Variants in PCDHGB5 observed in about 807,000 individuals in gnomAD.
The protein encoded by PCDHGB5 is protocadherin gamma-B5.
In PCDHGB5, 48 loss-of-function variants were observed where a neutral mutation model predicts 62.9. The observed-to-expected ratio is 0.76, with a 90% confidence interval of 0.61 to 0.97. The LOEUF (loss-of-function observed/expected upper bound fraction) is 0.97, where lower values mean the gene tolerates loss of function less well. Ranked by LOEUF, PCDHGB5 falls within the 50% of genes least tolerant of loss-of-function variation. PCDHGB5 has a pLI of 0.00. For synonymous variants in PCDHGB5, 474 were observed against 511.2 expected (o/e 0.93, Z 0.98); for missense variants, 1,118 against 1,198.6 (o/e 0.93, Z 0.99).
At chr5:141,419,747 C>T (rs1322393151) in intron 1 of PCDHGB5, 3 of 1,613,840 alleles carry the variant, frequency 1.9e-6, no homozygotes, top group Admixed American at 1.7e-5. Context: ...GCGCATGGTG[C>T]GTGCTTTGGG....
chr5:141,480,453 A>G (rs1033797238), intron 1 of PCDHGB5, among the ~76,000 whole-genome samples: 1 of 152,182 alleles, frequency 6.6e-6, no homozygotes, highest in African/African-American at 2.4e-5. Context: ...AATTATTTTT[A>G]TTAGTTCCTC....
At chr5:141,409,324 G>C (rs759596277) in intron 1 of PCDHGB5, 1 of 1,614,000 alleles carries the variant, frequency 6.2e-7, no homozygotes, top group East Asian at 2.2e-5. Context: ...CACGGGATCT[G>C]GATTTCGGAG....
Position 141,511,212 on chromosome 5 carries a change from C to T in PCDHGB5, c.*39C>T. ...CCAAGAGCCACAGGGCGGCCTCTCC[C>T]CAACCAGCCCAGCTTCTCCTTACCT... is the stretch of plus-strand genomic sequence containing the variant. On this transcript the variant is annotated 3_prime_UTR_variant, in exon 4 of 4. Coordinates refer to ENST00000617380, the MANE Select transcript of PCDHGB5 (RefSeq NM_018925.3). 6.2e-7 allele frequency: 1 copy of T among 1,608,656 alleles called. No individual in the cohort carries two copies. Among genetic ancestry groups the T allele is most frequent in the Non-Finnish European group, 8.5e-7 (1 of 1,177,502 alleles).
At chr5:141,454,871 G>A (rs1337911223) in intron 1 of PCDHGB5, among the ~76,000 whole-genome samples, 2 of 129,030 alleles carry the variant, frequency 1.6e-5, no homozygotes, top group Non-Finnish European at 3.1e-5. Context: ...GCAGTGGCAC[G>A]ATCTTGGCTC....
At chr5:141,414,834 C>T in intron 1 of PCDHGB5, 1 of 1,614,252 alleles carries the variant, frequency 6.2e-7, no homozygotes, top group South Asian at 1.1e-5. Context: ...TGTCGTTGAG[C>T]CTGTTTGTGC....
Position 141,477,554 on chromosome 5 carries a change from A to T in PCDHGB5, c.2398-17253A>T. The T allele has an allele frequency of 6.2e-7, 1 of 1,614,112 alleles. No homozygotes were observed. Among genetic ancestry groups the T allele is most frequent in the South Asian group, 1.1e-5 (1 of 91,086 alleles). Reference sequence around the variant, plus strand: ...CCCCGGGGCTCCAATACTAAACCTAAGTGTCTGGGACCCCGACGCCCCGCA... The same window carrying T: ...CCCCGGGGCTCCAATACTAAACCTATGTGTCTGGGACCCCGACGCCCCGCA... On this transcript the variant is annotated intron_variant, in intron 1 of 3. Transcript: ENST00000617380. This position sits in a 1 kb window ranked among gnomAD's most constrained non-coding sequence, Gnocchi z 4.9.
rs1453419469 is a variant in PCDHGB5, at chr5:141,505,501, G to A, written c.2545+20G>A. On this transcript the variant is annotated intron_variant, in intron 3 of 3. Transcript: ENST00000617380. ...CCAGTGGTAAGTGGTGTCAGTGTGT[G>A]TATGGAAGAGTGGGAGACCTGGGGT... The A allele has an allele frequency of 1.2e-6, 2 of 1,614,156 alleles. No homozygotes were observed. Among genetic ancestry groups the A allele is most frequent in the Non-Finnish European group, 1.7e-6 (2 of 1,179,970 alleles).
rs938964469 is a variant in PCDHGB5 at position 141,485,439 on chromosome 5, C to T, written c.2398-9368C>T. On this transcript the variant is annotated intron_variant, in intron 1 of 3. Transcript: ENST00000617380. This position sits in a 1 kb window ranked among gnomAD's most constrained non-coding sequence, Gnocchi z 5.7. The stretch of plus-strand genomic sequence containing the variant: ...AGCGGAGCCCTGCTCATCAAGAACC[C>T]AATCGACCGAGAGGCACTGTGTGGG... The T allele has an allele frequency of 1.1e-5, 18 of 1,614,182 alleles. No homozygotes were observed. Among genetic ancestry groups the T allele is most frequent in the Non-Finnish European group, 1.5e-5 (18 of 1,180,036 alleles).
At chr5:141,497,665 G>A (rs1011161465) in intron 2 of PCDHGB5, among the ~76,000 whole-genome samples, 3 of 151,348 alleles carry the variant, frequency 2.0e-5, no homozygotes, top group South Asian at 2.1e-4. Flanking sequence ...TCAGCCTCCC[G>A]AGTAGCTGGG....
intron 1 of PCDHGB5, among the ~76,000 whole-genome samples, chr5:141,456,006 T>C (rs909931677): frequency 6.6e-6 from 1 of 151,852 alleles, no homozygotes; most frequent in Non-Finnish European, 1.5e-5. Flanking sequence ...CATGCCATTC[T>C]CCTGCCTCAG....
chr5:141,423,806 T>C (rs2096783171), intron 1 of PCDHGB5: 1 of 1,251,576 alleles, frequency 8.0e-7, no homozygotes, highest in Non-Finnish European at 1.0e-6. Flanking sequence ...GCAATACATG[T>C]GAGTTTTACT....
At position 141,477,284 on chromosome 5, in the gene PCDHGB5, G is replaced by A. The variant is rs751714522; in HGVS notation, c.2398-17523G>A. 5.0e-6 allele frequency: 8 copies of A among 1,614,150 alleles called. No homozygotes were observed. The South Asian group carries it at 6.6e-5, about 13-fold the overall frequency. ...TGGCGAGAACGGGCTGGTGACCTGC[G>A]AAGTTCCACCGGGTCTCCCTTTCAG... On this transcript the variant is annotated intron_variant, in intron 1 of 3. Transcript: ENST00000617380. This position sits in a 1 kb window ranked among gnomAD's most constrained non-coding sequence, Gnocchi z 4.9.
Position 141,407,403 on chromosome 5 carries a change from A to G in PCDHGB5, c.2397+6879A>G, listed in dbSNP as rs964260933. 2.0e-5 allele frequency among the ~76,000 whole-genome samples: 3 copies of G among 152,220 alleles called. No individual in the cohort carries two copies. In the East Asian group the frequency reaches 5.8e-4, roughly 29 times the overall value. Reference sequence around the variant, plus strand: ...TTGTATGTCATGGTAGGTAGTTACTATTCGATACCACAAAAATGTCTCTTG... The same window carrying G: ...TTGTATGTCATGGTAGGTAGTTACTGTTCGATACCACAAAAATGTCTCTTG... On this transcript the variant is annotated intron_variant, in intron 1 of 3. Transcript: ENST00000617380.
chr5:141,492,146 C>T (rs979485619), intron 1 of PCDHGB5, among the ~76,000 whole-genome samples: 3 of 152,242 alleles, frequency 2.0e-5, no homozygotes, highest in African/African-American at 4.8e-5. Flanking sequence ...TGTGACTTCA[C>T]TGTTACCCTC....
At chr5:141,422,142 G>T in intron 1 of PCDHGB5, 1 of 1,583,694 alleles carries the variant, frequency 6.3e-7, no homozygotes, top group Non-Finnish European at 8.5e-7. Flanking sequence ...TTCAAGTACG[G>T]GGGTCTCTGG....
chr5:141,458,549 T>A (rs2098948402), intron 1 of PCDHGB5, among the ~76,000 whole-genome samples: 1 of 148,072 alleles, frequency 6.8e-6, no homozygotes, highest in African/African-American at 2.6e-5. Flanking sequence ...ATTTTGTTTG[T>A]TTGTTTTGGT....
At chr5:141,474,419 A>AT (rs1348108901) in intron 1 of PCDHGB5, among the ~76,000 whole-genome samples, 1 of 152,204 alleles carries the variant, frequency 6.6e-6, no homozygotes, top group Non-Finnish European at 1.5e-5. Context: ...TGCCTAGACC[A>AT]TTGGTCCTCA....
Position 141,485,741 on chromosome 5 carries a change from C to A in PCDHGB5, c.2398-9066C>A. 6.2e-7 allele frequency: 1 copy of A among 1,614,180 alleles called. No homozygotes were observed. Among genetic ancestry groups the A allele is most frequent in the Non-Finnish European group, 8.5e-7 (1 of 1,179,992 alleles). On this transcript the variant is annotated intron_variant, in intron 1 of 3. Coordinates refer to ENST00000617380, the MANE Select transcript of PCDHGB5 (RefSeq NM_018925.3). This position sits in a 1 kb window ranked among gnomAD's most constrained non-coding sequence, Gnocchi z 5.7. ...TGTGAAGAAGCGCAGCGACGGCAGC[C>A]TGGTCCCAGAGCTGCTCCTGGAGAA...
At position 141,399,431 on chromosome 5, in the gene PCDHGB5, T is replaced by C. The variant is rs757950073; in HGVS notation, c.1304T>C (p.Ile435Thr). 6.2e-7 allele frequency: 1 copy of C among 1,613,970 alleles called. No homozygotes were observed. The highest frequency in any genetic ancestry group is 8.5e-7 in the Non-Finnish European group (1 of 1,179,880). ...KPPLSSSISV[I>T]LHIRDVNDNA... ...CCCCTCTCCTCCAGCATAAGCGTCA[T>C]CCTACATATCAGAGACGTCAACGAT... is the stretch of plus-strand genomic sequence containing the variant. The change falls in exon 1 of 4, where the codon ATC becomes ACC. Residue 435 changes from isoleucine to threonine, a missense_variant. By Grantham distance (89) the Ile-to-Thr change is moderately conservative (BLOSUM62 -1). Around this residue, in one of 2 missense-constraint regions of PCDHGB5, gnomAD observed 1,034 missense variants for 1,029.1 expected, o/e 1.00. Coordinates refer to ENST00000617380, the MANE Select transcript of PCDHGB5 (RefSeq NM_018925.3).
Sources: gnomAD v4.1 joint callset for allele counts (sites outside exome capture counted in the v4.1 genomes callset) on GRCh38, gnomAD v4.1.1 for gene constraint, gnomAD v4.1.1 regional missense constraint, Gnocchi (gnomAD v3.1) non-coding constraint, MANE v1.5 for transcripts, NCBI Gene and HGNC (gene_info 2026-07-23, HGNC 2026-07-21) for gene names.